Variants in DCAF5 observed in about 807,000 individuals in gnomAD.
DCAF5 encodes DDB1 and CUL4 associated factor 5.
In DCAF5, 9 loss-of-function variants were observed where a neutral mutation model predicts 80.7. The observed-to-expected ratio is 0.11, with a 90% CI of 0.07 to 0.19. The LOEUF (loss-of-function observed/expected upper bound fraction) is 0.19. Ranked by LOEUF, DCAF5 falls within the 10% of genes least tolerant of loss-of-function variation. The probability of loss-of-function intolerance (pLI) is 1.00; values close to 1 mark genes in which losing one functional copy is unlikely to be tolerated. For synonymous variants in DCAF5, 433 were observed against 461.9 expected (o/e 0.94, Z 0.80); for missense variants, 842 against 1,205.7 (o/e 0.70, Z 4.47).
At chr14:69,139,850 G>A (rs2041309267) in intron 1 of DCAF5, among the ~76,000 whole-genome samples, 1 of 144,594 alleles carries the variant, frequency 6.9e-6, no homozygotes. Flanking sequence ...AGAAAGAAAA[G>A]GAGAAGGAAG....
chr14:69,070,821 C>T (rs555221636), intron 7 of DCAF5, among the ~76,000 whole-genome samples: 66 of 149,036 alleles, frequency 4.4e-4, no homozygotes, highest in Non-Finnish European at 7.8e-4. Context: ...TTTTTTGAGA[C>T]GGAGTCTCCT....
At position 69,055,154 on chromosome 14, in the gene DCAF5, T is replaced by C; in HGVS notation, c.1532A>G (p.Gln511Arg). Residue 511 changes from glutamine to arginine, a missense_variant, in exon 9 of 9, where the codon CAG becomes CGG. Physicochemically the swap from Gln to Arg is conservative, Grantham distance 43 (BLOSUM62 1). This residue lies in a region of DCAF5 where 607 missense variants were observed against 656.6 expected (regional missense o/e 0.92). Coordinates refer to ENST00000341516, the MANE Select transcript of DCAF5 (RefSeq NM_003861.3). This position sits in a 1 kb window ranked among gnomAD's most constrained non-coding sequence, Gnocchi z 5.6. ...PTCEDAASRQ[Q>R]RLSALRRYQD... The stretch of plus-strand genomic sequence containing the variant: ...GTAGCGCCGCAGAGCAGACAGACGC[T>C]GCTGGCGAGAGGCTGCATCCTCACA... 6.2e-7 allele frequency: 1 copy of C among 1,614,210 alleles called. No homozygotes were observed. Among genetic ancestry groups the C allele is most frequent in the Non-Finnish European group, 8.5e-7 (1 of 1,180,042 alleles).
At chr14:69,072,308 C>T (rs1449239631) in intron 7 of DCAF5, among the ~76,000 whole-genome samples, 1 of 151,810 alleles carries the variant, frequency 6.6e-6, no homozygotes, top group Admixed American at 6.6e-5. Flanking sequence ...AAAAAATAAG[C>T]TTTATAATAT....
chr14:69,125,128 T>C (rs949487934), intron 1 of DCAF5, among the ~76,000 whole-genome samples: 10 of 152,188 alleles, frequency 6.6e-5, no homozygotes, highest in African/African-American at 2.2e-4. Flanking sequence ...GCAGTAAATA[T>C]TCTATAGCCC....
At chr14:69,102,046 T>A (rs1029008311) in intron 5 of DCAF5, among the ~76,000 whole-genome samples, 1 of 152,010 alleles carries the variant, frequency 6.6e-6, no homozygotes, top group Non-Finnish European at 1.5e-5. Context: ...ACACACAGGC[T>A]ACGCTACATT....
intron 5 of DCAF5, among the ~76,000 whole-genome samples, chr14:69,102,136 T>G (rs2039974561): frequency 6.8e-6 from 1 of 147,862 alleles, no homozygotes; most frequent in Non-Finnish European, 1.5e-5. Context: ...TGAGACAAAG[T>G]CTCACTCTGT....
Position 69,054,503 on chromosome 14 carries a change from C to A in DCAF5, c.2183G>T (p.Cys728Phe). The A allele has an allele frequency of 6.2e-7, 1 of 1,614,154 alleles. No individual in the cohort carries two copies. The highest frequency in any genetic ancestry group is 8.5e-7 in the Non-Finnish European group (1 of 1,180,020). Residue 728 changes from cysteine (C) to phenylalanine (F), a missense_variant, in exon 9 of 9, where the codon TGC becomes TTC. Around this residue, in one of 5 missense-constraint regions of DCAF5, gnomAD observed 607 missense variants for 656.6 expected, o/e 0.92. Coordinates refer to ENST00000341516, the MANE Select transcript of DCAF5 (RefSeq NM_003861.3). ...QRNQDLPPEGCSKDTFKEETP... is the reference protein window; with the variant it reads ...QRNQDLPPEGFSKDTFKEETP... The stretch of plus-strand genomic sequence containing the variant: ...CTCTTCTTTAAAAGTGTCCTTGCTG[C>A]AGCCTTCAGGTGGCAGGTCCTGGTT...
chr14:69,120,803 CT>C (rs1432356384), intron 2 of DCAF5, among the ~76,000 whole-genome samples: 2 of 152,216 alleles, frequency 1.3e-5, no homozygotes, highest in Non-Finnish European at 2.9e-5. Flanking sequence ...TAAGATTCTA[CT>C]CTGTCCTTGA....
At chr14:69,096,402 C>T (rs772973455) in intron 5 of DCAF5, among the ~76,000 whole-genome samples, 2 of 152,198 alleles carry the variant, frequency 1.3e-5, no homozygotes, top group Admixed American at 6.5e-5. Flanking sequence ...GCTTGATATA[C>T]AGATGAATTC....
chr14:69,095,970 G>T (rs560072089), intron 5 of DCAF5, among the ~76,000 whole-genome samples: 1 of 152,080 alleles, frequency 6.6e-6, no homozygotes, highest in African/African-American at 2.4e-5. Flanking sequence ...GAAAAGCAAG[G>T]TCCTTTCTAT....
intron 1 of DCAF5, among the ~76,000 whole-genome samples, chr14:69,140,959 C>T (rs1271360308): frequency 6.6e-6 from 1 of 151,724 alleles, no homozygotes; most frequent in East Asian, 1.9e-4. Flanking sequence ...CACGGTGAAA[C>T]CCCGTCTTTA....
intron 1 of DCAF5, among the ~76,000 whole-genome samples, chr14:69,125,218 A>G (rs1334007913): frequency 6.6e-6 from 1 of 152,226 alleles, no homozygotes; most frequent in Non-Finnish European, 1.5e-5. Context: ...ATTCTGATGG[A>G]CAGTTGAAGG....
At chr14:69,116,184 G>A (rs537554582) in intron 5 of DCAF5, among the ~76,000 whole-genome samples, 182 bp downstream of exon 5, 2 of 152,284 alleles carry the variant, frequency 1.3e-5, no homozygotes, top group Admixed American at 1.3e-4. Context: ...CAAGGAGTAC[G>A]GATTTGTCGC....
At position 69,110,876 on chromosome 14, in the gene DCAF5, C is replaced by CAAA. The variant is rs35812611; in HGVS notation, c.665+5487_665+5489dup. On this transcript the variant is annotated intron_variant, in intron 5 of 8. Transcript: ENST00000341516. ...TGGGCAACAGACCAAGACCCTGTCT[C>CAAA]AAAAAAAAAAAAAAAAAAAAAAAAA... Among the ~76,000 whole-genome samples the CAAA allele has an allele frequency of 3.7e-4, 17 of 45,520 alleles. 1 individual carries two copies. Among genetic ancestry groups the CAAA allele is most frequent in the African/African-American group, 1.4e-3 (14 of 9,846 alleles). 29.9% of individuals were successfully genotyped at this position (45,520 alleles called of 152,430 possible). A position where few individuals can be genotyped will look rare whatever the true frequency, so the allele number is the denominator to read the frequency against.
At chr14:69,096,535 A>G in intron 5 of DCAF5, among the ~76,000 whole-genome samples, 1 of 152,196 alleles carries the variant, frequency 6.6e-6, no homozygotes, top group Non-Finnish European at 1.5e-5. Flanking sequence ...CATGAAGCAC[A>G]TATGGATGGC....
intron 5 of DCAF5, among the ~76,000 whole-genome samples, chr14:69,092,165 T>C (rs191327723): frequency 7.5e-4 from 114 of 152,294 alleles, no homozygotes; most frequent in African/African-American, 2.7e-3. Flanking sequence ...AGAAGAGACA[T>C]ATTAAAATAA....
At chr14:69,124,445 T>C (rs919020637) in intron 1 of DCAF5, among the ~76,000 whole-genome samples, 2 of 152,192 alleles carry the variant, frequency 1.3e-5, no homozygotes, top group Admixed American at 6.5e-5. Context: ...ATCATACTTA[T>C]TCTCCTGCTC....
intron 5 of DCAF5, among the ~76,000 whole-genome samples, chr14:69,110,244 C>G (rs998631742): frequency 7.4e-6 from 1 of 135,800 alleles, no homozygotes; most frequent in Admixed American, 7.3e-5. Flanking sequence ...TTTTTCTGAT[C>G]TGTTCTTGGC....
chr14:69,063,483 C>CA (rs972079507), intron 7 of DCAF5, among the ~76,000 whole-genome samples: 2 of 152,198 alleles, frequency 1.3e-5, no homozygotes, highest in African/African-American at 4.8e-5. Flanking sequence ...CATCCAGACA[C>CA]AAACAAATGA....
Sources: gnomAD v4.1 joint callset for allele counts (sites outside exome capture counted in the v4.1 genomes callset) on GRCh38, gnomAD v4.1.1 for gene constraint, gnomAD v4.1.1 regional missense constraint, Gnocchi (gnomAD v3.1) non-coding constraint, MANE v1.5 for transcripts, NCBI Gene and HGNC (gene_info 2026-07-23, HGNC 2026-07-21) for gene names.